TXNDC11: variants seen among roughly 807,000 people sequenced by gnomAD.
TXNDC11 encodes the protein thioredoxin domain-containing protein 11.
TXNDC11 carries 68 observed loss-of-function variants against 78.0 expected under a neutral mutation model. That is an observed-to-expected ratio of 0.87 (90% CI 0.72 to 1.07). TXNDC11 has a LOEUF of 1.07. Among genes scored for constraint, TXNDC11 ranks in the 50% least tolerant of loss-of-function variants. The probability of loss-of-function intolerance (pLI) is 0.00; values close to 1 mark genes in which losing one functional copy is unlikely to be tolerated. For missense variants in TXNDC11, 1,389 were observed against 1,221.8 expected (o/e 1.14, Z -2.04); for synonymous variants, 571 against 495.2 (o/e 1.15, Z -2.03).
chr16:11,738,439 C>T (rs568650116), intron 1 of TXNDC11, among the ~76,000 whole-genome samples: 3 of 152,228 alleles, frequency 2.0e-5, no homozygotes, highest in South Asian at 2.1e-4. Flanking sequence ...TGCGTGTTGT[C>T]GAGGAGACCA....
At chr16:11,698,373 G>A (rs1186407699) in intron 6 of TXNDC11, 48 bp from the exon 7 acceptor site, 3 of 1,565,852 alleles carry the variant, frequency 1.9e-6, no homozygotes, top group Non-Finnish European at 2.6e-6. Flanking sequence ...CGTGAGGTGG[G>A]GCAAGCTCAA....
intron 5 of TXNDC11, among the ~76,000 whole-genome samples, chr16:11,714,370 T>C (rs1391797200): frequency 1.3e-5 from 2 of 152,136 alleles, no homozygotes; most frequent in African/African-American, 2.4e-5. Context: ...GCCGCGCTCG[T>C]TGGCTCACGC....
At chr16:11,727,646 GC>G (rs1567343632) in intron 4 of TXNDC11, among the ~76,000 whole-genome samples, 3 of 151,812 alleles carry the variant, frequency 2.0e-5, no homozygotes, top group South Asian at 4.2e-4. Context: ...CTCACCCCTA[GC>G]TATAATTTCC....
intron 3 of TXNDC11, among the ~76,000 whole-genome samples, chr16:11,733,701 C>T (rs1356881356): frequency 6.6e-6 from 1 of 152,086 alleles, no homozygotes; most frequent in African/African-American, 2.4e-5. Flanking sequence ...TGGAGTAATT[C>T]GTACTTTTAA....
At chr16:11,691,137 A>G (rs2050702003) in intron 8 of TXNDC11, 153 bp downstream of exon 8, 1 of 646,240 alleles carries the variant, frequency 1.5e-6, no homozygotes, top group Non-Finnish European at 2.6e-6. Context: ...AGCTTCTTTG[A>G]AAATTATGAC....
At chr16:11,700,971 C>G (rs2050997127) in intron 5 of TXNDC11, among the ~76,000 whole-genome samples, 1 of 152,148 alleles carries the variant, frequency 6.6e-6, no homozygotes, top group Non-Finnish European at 1.5e-5. Flanking sequence ...ACCACCCCAC[C>G]TAACAGCTAA....
Position 11,691,716 on chromosome 16 carries a change from A to T in TXNDC11, c.1474T>A (p.Cys492Ser), listed in dbSNP as rs759825009. 6.2e-6 allele frequency: 10 copies of T among 1,614,130 alleles called. No individual in the cohort carries two copies. In the East Asian group the frequency reaches 2.0e-4, roughly 32 times the overall value. The change falls in exon 8 of 12, where the codon TGC becomes AGC. Residue 492 changes from cysteine to serine, a missense_variant. Transcript: ENST00000283033. ...CTATAGGAAGTTAAAAAATTGCTGC[A>T]TTCTATGCTGTCTGATGCCACATGA... ...FYHVASDSIE[C>S]SNFLTSYSPF...
intron 11 of TXNDC11, among the ~76,000 whole-genome samples, chr16:11,681,738 C>G (rs538188129): frequency 6.6e-6 from 1 of 152,222 alleles, no homozygotes; most frequent in Non-Finnish European, 1.5e-5. Context: ...CAGAGTCTGA[C>G]GCAAGTGCTG....
intron 6 of TXNDC11, among the ~76,000 whole-genome samples, chr16:11,699,283 T>C (rs918906303): frequency 6.6e-6 from 1 of 152,244 alleles, no homozygotes; most frequent in African/African-American, 2.4e-5. Flanking sequence ...TAGTCCTACC[T>C]TTCTTTCCCC....
At position 11,679,732 on chromosome 16, in the gene TXNDC11, C is replaced by T. The variant is rs763546194; in HGVS notation, c.2340G>A (p.Val780=). 4 of 1,614,166 alleles carry T rather than the reference C, an allele frequency of 2.5e-6. No homozygotes were observed. Among genetic ancestry groups the T allele is most frequent in the Non-Finnish European group, 3.4e-6 (4 of 1,180,034 alleles). ...GACACTCCTTGGTAGGAGAGTTAGC[C>T]ACATTCTGGGGGCTGGAAGCAGGGT... ...HSDPASSPQN[V]ANSPTKECLQ... is the part of the protein sequence containing the mutation. Residue 780 remains valine, a synonymous_variant, in exon 12 of 12, where the codon GTG becomes GTA. Transcript: ENST00000283033. The surrounding 1 kb of genome is among the most constrained non-coding windows in gnomAD (Gnocchi z 4.6).
At chr16:11,717,296 G>A (rs533298946) in intron 5 of TXNDC11, among the ~76,000 whole-genome samples, 9 of 151,582 alleles carry the variant, frequency 5.9e-5, no homozygotes, top group African/African-American at 2.2e-4. Context: ...CGTGGTAGTG[G>A]GCGCAGTAGT....
chr16:11,715,612 C>T (rs767039632), intron 5 of TXNDC11, among the ~76,000 whole-genome samples: 3 of 152,190 alleles, frequency 2.0e-5, no homozygotes, highest in African/African-American at 4.8e-5. Context: ...CTTTCTCACG[C>T]GTCCTTTACC....
chr16:11,689,875 A>G (rs1410269614), intron 8 of TXNDC11: 1 of 152,222 alleles, frequency 6.6e-6, no homozygotes, highest in Non-Finnish European at 1.5e-5. Context: ...AGTAATCTAT[A>G]ATATCGACAG....
chr16:11,703,475 T>C (rs1313094261), intron 5 of TXNDC11, among the ~76,000 whole-genome samples: 1 of 149,638 alleles, frequency 6.7e-6, no homozygotes, highest in African/African-American at 2.5e-5. Flanking sequence ...TAAATTGAAA[T>C]CAGAGAGAAT....
chr16:11,715,182 G>T (rs1469929889), intron 5 of TXNDC11, among the ~76,000 whole-genome samples: 2 of 152,170 alleles, frequency 1.3e-5, no homozygotes, highest in Non-Finnish European at 2.9e-5. Context: ...AACCCGGGAG[G>T]CGGAGGTTGC....
chr16:11,742,077 G>A (rs1181352979), intron 1 of TXNDC11: 4 of 195,120 alleles, frequency 2.1e-5, no homozygotes, highest in African/African-American at 9.3e-5. Flanking sequence ...AATTCTAAAA[G>A]GGGTCTGGAA....
intron 3 of TXNDC11, among the ~76,000 whole-genome samples, chr16:11,732,113 G>A (rs762958027): frequency 6.6e-5 from 10 of 152,044 alleles, no homozygotes; most frequent in Non-Finnish European, 1.5e-4. Context: ...TTCAAGGTGC[G>A]TACCACCTCA....
chr16:11,706,367 A>G (rs1055985320), intron 5 of TXNDC11, among the ~76,000 whole-genome samples: 2 of 152,350 alleles, frequency 1.3e-5, no homozygotes, highest in Admixed American at 1.3e-4. Flanking sequence ...TGCTTGCTAC[A>G]GAGGGTGCTG....
chr16:11,715,590 C>T (rs2051505694), intron 5 of TXNDC11, among the ~76,000 whole-genome samples: 1 of 152,118 alleles, frequency 6.6e-6, no homozygotes, highest in South Asian at 2.1e-4. Flanking sequence ...TTTAAAATCC[C>T]GTAGCTAAAA....
Sources: gnomAD v4.1 joint callset for allele counts (sites outside exome capture counted in the v4.1 genomes callset) on GRCh38, gnomAD v4.1.1 for gene constraint, Gnocchi (gnomAD v3.1) non-coding constraint, MANE v1.5 for transcripts, NCBI Gene and HGNC (gene_info 2026-07-23, HGNC 2026-07-21) for gene names.